MICU1: variants seen among roughly 807,000 people sequenced by gnomAD.
MICU1 encodes calcium uptake protein 1, mitochondrial.
In MICU1, 45 loss-of-function variants were observed where a neutral mutation model predicts 56.8. The observed-to-expected ratio is 0.79, with a 90% CI of 0.62 to 1.02. The LOEUF (loss-of-function observed/expected upper bound fraction) is 1.02. Ranked by LOEUF, MICU1 falls within the 50% of genes least tolerant of loss-of-function variation. MICU1 has a pLI of 0.00. For synonymous variants in MICU1, 186 were observed against 195.1 expected (o/e 0.95, Z 0.39); for missense variants, 504 against 587.1 (o/e 0.86, Z 1.46).
chr10:72,613,516 G>A (rs3009534), intron 1 of MICU1, among the ~76,000 whole-genome samples: 94,964 of 151,402 alleles, frequency 0.63, 31,276 homozygotes, highest in African/African-American at 0.72. Flanking sequence ...GCCTCAAGCA[G>A]TCCTCCCACC....
At chr10:72,587,800 A>C (rs921588895) in intron 1 of MICU1, among the ~76,000 whole-genome samples, 1 of 151,948 alleles carries the variant, frequency 6.6e-6, no homozygotes, top group Non-Finnish European at 1.5e-5. Flanking sequence ...ATAAATAAAT[A>C]AAACAAATAA....
chr10:72,575,503 T>C (rs1350132733), intron 1 of MICU1, among the ~76,000 whole-genome samples: 1 of 152,216 alleles, frequency 6.6e-6, no homozygotes, highest in Admixed American at 6.5e-5. Context: ...TTTTCACAAA[T>C]TGAAGGTTTG....
At chr10:72,488,910 G>T (rs550678638) in intron 6 of MICU1, among the ~76,000 whole-genome samples, 1 of 152,244 alleles carries the variant, frequency 6.6e-6, no homozygotes, top group South Asian at 2.1e-4. Context: ...ACCATTTAGG[G>T]TTCTTAGAAA....
intron 8 of MICU1, among the ~76,000 whole-genome samples, chr10:72,435,944 C>T (rs1344755632): frequency 1.3e-5 from 2 of 152,250 alleles, no homozygotes; most frequent in Admixed American, 6.5e-5. Flanking sequence ...CTCTAGACTA[C>T]ACCTCTGTGG....
chr10:72,375,685 C>T lies in MICU1; in HGVS notation c.1270+98G>A, dbSNP rs139492500. Reference sequence around the variant, plus strand: ...AGGTGGGTAGCTTGAAGAGGATGGGCTGGTACACAGATGCTGTCCGCAAGG... The same window carrying T: ...AGGTGGGTAGCTTGAAGAGGATGGGTTGGTACACAGATGCTGTCCGCAAGG... On this transcript the variant is annotated intron_variant, in intron 11 of 11. Transcript: ENST00000361114. 2.4e-4 allele frequency: 271 copies of T among 1,115,136 alleles called. 3 individuals carry two copies. The East Asian group carries it at 6.5e-3, about 27-fold the overall frequency. The allele number at this position is 1,115,136 out of a possible 1,614,324, so 69.1% of individuals were successfully genotyped here.
In MICU1 at chr10:72,371,495, C is replaced by A. The variant is rs373734848; in HGVS notation, c.1271-3140G>T. Among the ~76,000 whole-genome samples, 82 of 152,156 alleles carry A rather than the reference C, an allele frequency of 5.4e-4. 2 individuals carry two copies. In the South Asian group the frequency reaches 0.017, roughly 31 times the overall value. ...CGGTGCCTCACGCCTGTAATCCCAGCACTTTGGGAGGCCAAGACGGGTGGA... is the reference window on the plus strand; with the variant it reads ...CGGTGCCTCACGCCTGTAATCCCAGAACTTTGGGAGGCCAAGACGGGTGGA... On this transcript the variant is annotated intron_variant, in intron 11 of 11. Transcript: ENST00000361114.
chr10:72,383,779 A>G (rs139195107), intron 10 of MICU1, among the ~76,000 whole-genome samples: 5 of 152,186 alleles, frequency 3.3e-5, no homozygotes, highest in East Asian at 3.9e-4. Flanking sequence ...AAGACTAAAT[A>G]GTCACCTTTA....
At chr10:72,564,548 A>C (rs2132470668) in intron 2 of MICU1, among the ~76,000 whole-genome samples, 1 of 146,146 alleles carries the variant, frequency 6.8e-6, no homozygotes, top group African/African-American at 2.7e-5. Flanking sequence ...CAAAAAGAAA[A>C]AAAAAAAAAA....
intron 6 of MICU1, chr10:72,483,341 G>A: frequency 6.1e-6 from 1 of 163,014 alleles, no homozygotes; most frequent in Non-Finnish European, 1.3e-5. Context: ...TGCTTGGCTG[G>A]CTCCTGGTTG....
intron 1 of MICU1, among the ~76,000 whole-genome samples, chr10:72,598,388 T>G (rs1011925627): frequency 2.0e-5 from 3 of 151,950 alleles, no homozygotes; most frequent in African/African-American, 7.3e-5. Flanking sequence ...CCCAAGTAGC[T>G]GAGACTACAG....
intron 5 of MICU1, among the ~76,000 whole-genome samples, chr10:72,508,858 A>T (rs533540775): frequency 3.3e-5 from 5 of 152,334 alleles, no homozygotes; most frequent in African/African-American, 9.6e-5. Flanking sequence ...TCAGTCGTAC[A>T]CACTTTCGGC....
At chr10:72,548,823 A>T (rs1300156650) in intron 4 of MICU1, among the ~76,000 whole-genome samples, 1 of 152,082 alleles carries the variant, frequency 6.6e-6, no homozygotes, top group African/African-American at 2.4e-5. Context: ...CAGCCTCCTG[A>T]GTAGCTGGGA....
chr10:72,482,445 G>GA (rs1474417500), intron 6 of MICU1, among the ~76,000 whole-genome samples: 3 of 152,036 alleles, frequency 2.0e-5, no homozygotes, highest in Admixed American at 6.6e-5. Context: ...TCTGAGTTTT[G>GA]AAAAAAACTT....
chr10:72,373,342 G>T (rs1862410605), intron 11 of MICU1, among the ~76,000 whole-genome samples: 1 of 151,822 alleles, frequency 6.6e-6, no homozygotes, highest in South Asian at 2.1e-4. Flanking sequence ...CCACACCTTG[G>T]CTAAACTTAT....
intron 9 of MICU1, among the ~76,000 whole-genome samples, chr10:72,414,905 T>C (rs1863933322): frequency 6.6e-6 from 1 of 152,148 alleles, no homozygotes; most frequent in African/African-American, 2.4e-5. Flanking sequence ...CCAATCTAAT[T>C]GCCCAAGTTC....
At chr10:72,606,731 C>T (rs909332015) in intron 1 of MICU1, among the ~76,000 whole-genome samples, 1 of 151,804 alleles carries the variant, frequency 6.6e-6, no homozygotes, top group Admixed American at 6.6e-5. Context: ...TCTAAATAGT[C>T]CCAGAATGAG....
chr10:72,485,996 T>C (rs1331706994), intron 6 of MICU1, among the ~76,000 whole-genome samples: 1 of 150,562 alleles, frequency 6.6e-6, no homozygotes, highest in Non-Finnish European at 1.5e-5. Context: ...AATAAATAAA[T>C]TATGCAAAAG....
At chr10:72,465,964 ATTCT>A (rs1865784181) in intron 8 of MICU1, among the ~76,000 whole-genome samples, 1 of 152,058 alleles carries the variant, frequency 6.6e-6, no homozygotes, top group East Asian at 1.9e-4. Context: ...CAGCTAGGAG[ATTCT>A]TTCTTACCAT....
chr10:72,573,092 C>A (rs1385753413), intron 1 of MICU1, among the ~76,000 whole-genome samples: 2 of 151,740 alleles, frequency 1.3e-5, no homozygotes, highest in African/African-American at 4.8e-5. Flanking sequence ...TATGATAAAT[C>A]TATATAAAGC....
Sources: gnomAD v4.1 joint callset for allele counts (sites outside exome capture counted in the v4.1 genomes callset) on GRCh38, gnomAD v4.1.1 for gene constraint, MANE v1.5 for transcripts, NCBI Gene and HGNC (gene_info 2026-07-23, HGNC 2026-07-21) for gene names.